The following DNAH3 variants were observed in gnomAD, a reference collection of about 807,000 sequenced individuals.
DNAH3 encodes dynein axonemal heavy chain 3.
In DNAH3, 332 loss-of-function variants were observed where a neutral mutation model predicts 432.5. That is an observed-to-expected ratio of 0.77 (90% confidence interval 0.70 to 0.84). The LOEUF (loss-of-function observed/expected upper bound fraction) is 0.84, where lower values mean the gene tolerates loss of function less well. Among genes scored for constraint, DNAH3 ranks in the 40% least tolerant of loss-of-function variants. The pLI, the probability that DNAH3 is intolerant of heterozygous loss-of-function variation, is 0.00. For synonymous variants in DNAH3, 1,956 were observed against 1,900.2 expected (o/e 1.03, Z -0.76); for missense variants, 4,861 against 5,114.0 (o/e 0.95, Z 1.51).
At chr16:21,111,678 T>C (rs747911277) in exon 14 of DNAH3, 2 of 1,613,932 alleles carry the variant, frequency 1.2e-6, no homozygotes, top group Non-Finnish European at 1.7e-6. Flanking sequence ...AGATGGTCTT[T>C]AAGATTTTGA....
chr16:21,032,998 C>G (rs2088966073), intron 36 of DNAH3, among the ~76,000 whole-genome samples: 2 of 151,950 alleles, frequency 1.3e-5, no homozygotes, highest in Non-Finnish European at 2.9e-5. Flanking sequence ...CTGGATCTCA[C>G]TCACCCAGGC....
At chr16:21,047,251 G>A (rs1399932496) in intron 31 of DNAH3, among the ~76,000 whole-genome samples, 2 of 147,048 alleles carry the variant, frequency 1.4e-5, no homozygotes, top group Non-Finnish European at 3.0e-5. Context: ...AGTTCTCCTG[G>A]ATAATATCCT....
intron 55 of DNAH3, among the ~76,000 whole-genome samples, chr16:20,953,148 GT>G (rs971898148): frequency 1.3e-5 from 2 of 150,782 alleles, no homozygotes; most frequent in African/African-American, 4.9e-5. Flanking sequence ...TGTTTGTTTT[GT>G]TTTTTTGTTT....
intron 56 of DNAH3, among the ~76,000 whole-genome samples, chr16:20,949,068 C>T (rs769121798): frequency 5.3e-5 from 8 of 152,038 alleles, no homozygotes; most frequent in Non-Finnish European, 5.9e-5. Context: ...TAAAATCCCC[C>T]ACATTTACCA....
chr16:20,979,181 A>T, intron 50 of DNAH3, 149 bp downstream of exon 50: 1 of 663,610 alleles, frequency 1.5e-6, no homozygotes, highest in Non-Finnish European at 2.6e-6. Flanking sequence ...GGCAGGGATT[A>T]CAGTGATGTA....
intron 51 of DNAH3, among the ~76,000 whole-genome samples, chr16:20,971,742 G>T (rs1371033898): frequency 1.3e-5 from 2 of 152,216 alleles, no homozygotes; most frequent in Admixed American, 1.3e-4. Flanking sequence ...TGACATTACA[G>T]AGCAGAATCT....
intron 39 of DNAH3, among the ~76,000 whole-genome samples, chr16:21,023,902 C>T (rs1284006944): frequency 1.3e-5 from 2 of 151,898 alleles, no homozygotes; most frequent in South Asian, 2.1e-4. Context: ...GACATTCAGC[C>T]GTCCTACATA....
chr16:20,953,971 G>A (rs993314925), intron 55 of DNAH3, among the ~76,000 whole-genome samples: 3 of 152,060 alleles, frequency 2.0e-5, no homozygotes, highest in Non-Finnish European at 4.4e-5. Context: ...CCACGTTGTA[G>A]TGTATGTCAG....
At chr16:20,990,529 C>G (rs145773319) in intron 44 of DNAH3, among the ~76,000 whole-genome samples, 3,331 of 152,256 alleles carry the variant, frequency 0.022, 55 homozygotes, top group Non-Finnish European at 0.034. Context: ...ACCTTGTACC[C>G]ATTAGCAGTC....
chr16:21,089,549 CAA>C (rs745687634), intron 18 of DNAH3, among the ~76,000 whole-genome samples: 57 of 151,964 alleles, frequency 3.8e-4, no homozygotes, highest in Non-Finnish European at 6.8e-4. Flanking sequence ...TTAGAAATAA[CAA>C]TAAAAACATA....
chr16:20,985,559 C>A lies in DNAH3; in HGVS notation c.7183G>T (p.Glu2395Ter). Residue 2395 changes from glutamate (E) to a stop codon, truncating the protein, a stop_gained, in exon 48 of 62, where the codon GAA becomes TAA. Coordinates refer to ENST00000261383, the Ensembl canonical transcript of DNAH3. LOFTEE classifies it high-confidence loss of function. ...GGGGCCTTGCTGATGTTGTTGAATT[C>A]TTCCAGATAGTGCTCCATGACCACA... The A allele has an allele frequency of 6.2e-7, 1 of 1,614,198 alleles. No homozygotes were observed. Among genetic ancestry groups the A allele is most frequent in the East Asian group, 2.2e-5 (1 of 44,886 alleles).
intron 56 of DNAH3, among the ~76,000 whole-genome samples, chr16:20,949,385 A>G (rs2084210766): frequency 6.6e-6 from 1 of 151,944 alleles, no homozygotes; most frequent in African/African-American, 2.4e-5. Context: ...AAAGACATTT[A>G]AAGAGCGAGG....
At chr16:20,947,028 T>A (rs1054566500) in intron 57 of DNAH3, among the ~76,000 whole-genome samples, 1 of 151,978 alleles carries the variant, frequency 6.6e-6, no homozygotes, top group Middle Eastern at 3.4e-3. Flanking sequence ...TTTCACCACA[T>A]TGGCCAGGCT....
chr16:20,944,465 G>A, intron 58 of DNAH3, 31 bp downstream of exon 58: 1 of 1,612,730 alleles, frequency 6.2e-7, no homozygotes, highest in Non-Finnish European at 8.5e-7. Flanking sequence ...CTGGGAAATA[G>A]GATTAAGCCC....
At chr16:21,034,547 T>C (rs1361824433) in intron 35 of DNAH3, among the ~76,000 whole-genome samples, 2 of 152,208 alleles carry the variant, frequency 1.3e-5, no homozygotes, top group East Asian at 3.8e-4. Context: ...AAAATGGCGG[T>C]CATTTTAGCA....
At chr16:20,967,162 T>C (rs2085100823) in intron 52 of DNAH3, among the ~76,000 whole-genome samples, 1 of 152,226 alleles carries the variant, frequency 6.6e-6, no homozygotes, top group South Asian at 2.1e-4. Context: ...AAGGTTTTTG[T>C]TGGCATTCTA....
At chr16:21,108,065 G>A (rs993949383) in intron 14 of DNAH3, among the ~76,000 whole-genome samples, 35 of 151,974 alleles carry the variant, frequency 2.3e-4, no homozygotes, top group African/African-American at 7.0e-4. Flanking sequence ...GTAGAGATGG[G>A]GTTTCACCAT....
intron 23 of DNAH3, among the ~76,000 whole-genome samples, chr16:21,069,095 TTG>T (rs71817169): frequency 0.55 from 67,332 of 122,314 alleles, 15,210 homozygotes; most frequent in East Asian, 0.67. Context: ...TGGCTAATAT[TTG>T]TGTGTGTGTG....
At chr16:21,001,816 A>G (rs999804933) in intron 42 of DNAH3, among the ~76,000 whole-genome samples, 7 of 152,212 alleles carry the variant, frequency 4.6e-5, no homozygotes, top group Non-Finnish European at 8.8e-5. Flanking sequence ...TTTGCTACTA[A>G]GACTGGGAGT....
Sources: allele counts gnomAD v4.1 joint callset (sites outside exome capture counted in the v4.1 genomes callset), GRCh38; gene constraint gnomAD v4.1.1; transcripts MANE v1.5; gene names NCBI Gene and HGNC (gene_info 2026-07-23, HGNC 2026-07-21).